Variants in SYCP2 observed in about 807,000 individuals in gnomAD.
SYCP2 encodes the protein synaptonemal complex lateral element protein.
SYCP2 carries 55 observed loss-of-function variants against 211.3 expected under a neutral mutation model. The ratio of observed to expected loss-of-function variants is 0.26; its 90% CI spans 0.21 to 0.33. The LOEUF (loss-of-function observed/expected upper bound fraction) is 0.33, where lower values mean the gene tolerates loss of function less well. SYCP2 is among the 10% of genes least tolerant of loss of function. The pLI is 1.00. For synonymous variants in SYCP2, 570 were observed against 555.2 expected, an observed-to-expected ratio of 1.03 and a Z score of -0.37; for missense variants, 1,731 against 1,752.0, an observed-to-expected ratio of 0.99 and a Z score of 0.21.
At chr20:59,900,698 G>C in intron 17 of SYCP2, 46 bp downstream of exon 17, 1 of 1,466,048 alleles carries the variant, frequency 6.8e-7, no homozygotes, top group Middle Eastern at 1.7e-4. Flanking sequence ...ATTAGTTATG[G>C]TTAAACTTAG....
At position 59,875,275 on chromosome 20, in the gene SYCP2, C is replaced by T. The variant is rs766959217; in HGVS notation, c.3345G>A (p.Thr1115=). 5.7e-6 allele frequency: 9 copies of T among 1,590,012 alleles called. No individual in the cohort carries two copies. The highest frequency in any genetic ancestry group is 3.6e-4 in the Middle Eastern group (2 of 5,528). ...LSGSPSSIEV[T]RCIEKITEKD... ...AAAAAACAAAGTTATACTGACATCT[C>T]GTTACTTCTATAGATGATGGACTGC... The change falls in exon 34 of 45, where the codon ACG becomes ACA. Residue 1115 remains threonine, a synonymous_variant. Coordinates refer to ENST00000357552, the MANE Select transcript of SYCP2 (RefSeq NM_014258.4).
chr20:59,866,893 T>G (rs2059348085), intron 39 of SYCP2, among the ~76,000 whole-genome samples: 1 of 148,910 alleles, frequency 6.7e-6, no homozygotes, highest in South Asian at 2.1e-4. Context: ...AGACACAGCC[T>G]AAAAGTCACA....
At chr20:59,915,664 T>C in intron 8 of SYCP2, 114 bp from the exon 9 acceptor site, 1 of 692,236 alleles carries the variant, frequency 1.4e-6, no homozygotes, top group Non-Finnish European at 2.6e-6. Context: ...CACTGAGTTT[T>C]ATTATGGGAA....
rs775485312 is a variant in SYCP2, at chr20:59,886,792, A to T, written c.2407T>A (p.Ser803Thr). 2.5e-6 allele frequency: 4 copies of T among 1,590,530 alleles called. No homozygotes were observed. The highest frequency in any genetic ancestry group is 2.7e-5 in the African/African-American group (2 of 73,604). Reference sequence around the variant, plus strand: ...CTTTTATTGATTTGGCTTATCAAGGATTCTGCTACATTGGTAAATTCTTTC... The same window carrying T: ...CTTTTATTGATTTGGCTTATCAAGGTTTCTGCTACATTGGTAAATTCTTTC... ...KGKEFTNVAESLISQINKRYK... is the reference protein window; with the variant it reads ...KGKEFTNVAETLISQINKRYK... The change falls in exon 25 of 45, where the codon TCC becomes ACC. Residue 803 changes from serine (S) to threonine (T), a missense_variant. Coordinates refer to ENST00000357552, the MANE Select transcript of SYCP2 (RefSeq NM_014258.4).
Position 59,867,755 on chromosome 20 carries a change from C to T in SYCP2, c.4081G>A (p.Glu1361Lys). 3 of 1,610,180 alleles carry T rather than the reference C, an allele frequency of 1.9e-6. 1 individual carries two copies. In the South Asian group the frequency reaches 3.3e-5, roughly 18 times the overall value. ...TCTGAATTGAGCCTCTCGTAAGTCTCATAAGTCATCTCTATCCCTGCAAAT... is the reference window on the plus strand; with the variant it reads ...TCTGAATTGAGCCTCTCGTAAGTCTTATAAGTCATCTCTATCCCTGCAAAT... ...NEFAGIEMTYETYERLNSEFK... is the reference protein window; with the variant it reads ...NEFAGIEMTYKTYERLNSEFK... The change falls in exon 39 of 45, where the codon GAG (glutamate) becomes AAG (lysine). Residue 1361 changes from glutamate to lysine, a missense_variant. Physicochemically the swap from Glu to Lys is moderately conservative, Grantham distance 56 (BLOSUM62 1). Around this residue, in one of 3 missense-constraint regions of SYCP2, gnomAD observed 1,387 missense variants for 1,351.3 expected, o/e 1.03. Transcript: ENST00000357552.
chr20:59,912,187 G>C (rs1373948400), intron 13 of SYCP2, 186 bp downstream of exon 13: 2 of 436,050 alleles, frequency 4.6e-6, no homozygotes, highest in African/African-American at 2.1e-5. Context: ...AGTTATTCTT[G>C]GCAATGAATA....
At chr20:59,911,951 G>A in intron 13 of SYCP2, 106 bp from the exon 14 acceptor site, 2 of 472,898 alleles carry the variant, frequency 4.2e-6, no homozygotes, top group East Asian at 3.4e-5. Flanking sequence ...GCTAGAAGGA[G>A]AGAGAAGAGA....
intron 2 of SYCP2, 37 bp from the exon 3 acceptor site, chr20:59,922,496 T>C: frequency 2.8e-6 from 3 of 1,062,558 alleles, no homozygotes; most frequent in Non-Finnish European, 4.1e-6. Context: ...TATCTCACAA[T>C]CTGTTTCATG....
In SYCP2 at chr20:59,868,528, T is replaced by G. The variant is rs1219056204; in HGVS notation, c.3873A>C (p.Glu1291Asp). Reference protein sequence around the residue: ...QHLSRKRIYIEDNLSNSNEVE... With the variant: ...QHLSRKRIYIDDNLSNSNEVE... ...CTTCATTGGAATTACTTAGATTATC[T>G]TCTATATATATTCTTTTGCGACTAA... Residue 1291 changes from glutamate (E) to aspartate (D), a missense_variant, in exon 38 of 45, where the codon GAA (glutamate) becomes GAC (aspartate). Coordinates refer to ENST00000357552, the MANE Select transcript of SYCP2 (RefSeq NM_014258.4). The G allele has an allele frequency of 3.1e-6, 5 of 1,609,982 alleles. No homozygotes were observed. Among genetic ancestry groups the G allele is most frequent in the Non-Finnish European group, 4.2e-6 (5 of 1,178,032 alleles).
chr20:59,928,066 A>G (rs1568991732), intron 2 of SYCP2, among the ~76,000 whole-genome samples: 1 of 152,160 alleles, frequency 6.6e-6, no homozygotes, highest in Non-Finnish European at 1.5e-5. Flanking sequence ...TAGCAAATTC[A>G]CTAGGCCAAC....
In SYCP2 at chr20:59,873,993, A is replaced by T; in HGVS notation, c.3418T>A (p.Tyr1140Asn). Residue 1140 changes from tyrosine (Y) to asparagine (N), a missense_variant, in exon 35 of 45, where the codon TAT becomes AAT. Coordinates refer to ENST00000357552, the MANE Select transcript of SYCP2 (RefSeq NM_014258.4). The part of the protein sequence containing the change: ...YDCITKSISP[Y>N]PKTSSLESLN... ...GATTCAAGTGATGAAGTTTTTGGATAAGGTGATATAGATTTTGTTATGCAG... is the reference window on the plus strand; with the variant it reads ...GATTCAAGTGATGAAGTTTTTGGATTAGGTGATATAGATTTTGTTATGCAG... The T allele has an allele frequency of 6.2e-7, 1 of 1,613,042 alleles. No homozygotes were observed.
At chr20:59,929,648 ATTCT>A (rs1384575105) in intron 2 of SYCP2, among the ~76,000 whole-genome samples, 20 of 151,924 alleles carry the variant, frequency 1.3e-4, no homozygotes, top group Non-Finnish European at 2.6e-4. Context: ...GATAATAGAA[ATTCT>A]TTATGTAAAA....
chr20:59,865,785 C>G, intron 42 of SYCP2, 22 bp downstream of exon 42: 1 of 1,270,534 alleles, frequency 7.9e-7, no homozygotes, highest in Non-Finnish European at 1.0e-6. Flanking sequence ...TAGATTATAG[C>G]CATTAAGAAT....
intron 4 of SYCP2, among the ~76,000 whole-genome samples, chr20:59,920,723 A>C (rs564874449): frequency 6.6e-6 from 1 of 151,790 alleles, no homozygotes; most frequent in Admixed American, 6.6e-5. Flanking sequence ...TAAATCCAAG[A>C]AACTTTATAC....
At chr20:59,907,314 T>C in intron 15 of SYCP2, 50 bp downstream of exon 15, 1 of 1,184,504 alleles carries the variant, frequency 8.4e-7, no homozygotes, top group South Asian at 1.3e-5. Flanking sequence ...TAACATTTGT[T>C]CCATATGGTA....
chr20:59,878,697 T>C (rs1039554347), intron 31 of SYCP2, among the ~76,000 whole-genome samples: 2 of 152,244 alleles, frequency 1.3e-5, no homozygotes, highest in African/African-American at 4.8e-5. Context: ...CTCTAAACAA[T>C]ATAATGAGAT....
In SYCP2 at chr20:59,869,783, T is replaced by C. The variant is rs552378320; in HGVS notation, c.3741+15A>G. ...TAGTGTAAGGAAAATTTATAAGTTA[T>C]AGTCCCACACTTACCTCTCTTTTGC... On this transcript the variant is annotated intron_variant, in intron 36 of 44. Coordinates refer to ENST00000357552, the MANE Select transcript of SYCP2 (RefSeq NM_014258.4). 6 of 1,536,976 alleles carry C rather than the reference T, an allele frequency of 3.9e-6. No homozygotes were observed. The highest frequency in any genetic ancestry group is 4.5e-5 in the East Asian group (2 of 44,266).
intron 18 of SYCP2, among the ~76,000 whole-genome samples, chr20:59,898,522 G>C (rs947588280): frequency 1.3e-5 from 2 of 152,066 alleles, no homozygotes; most frequent in Non-Finnish European, 2.9e-5. Context: ...AAGAACACAT[G>C]AACACAGGGA....
chr20:59,902,034 G>A (rs1217033192), intron 15 of SYCP2, among the ~76,000 whole-genome samples: 1 of 151,860 alleles, frequency 6.6e-6, no homozygotes, highest in Non-Finnish European at 1.5e-5. Flanking sequence ...TACAGGATAT[G>A]GCTATAACTA....
Sources: allele counts gnomAD v4.1 joint callset (sites outside exome capture counted in the v4.1 genomes callset), GRCh38; gene constraint gnomAD v4.1.1; regional missense constraint gnomAD v4.1.1; transcripts MANE v1.5; gene names NCBI Gene and HGNC (gene_info 2026-07-23, HGNC 2026-07-21).